The following PNCK variants were observed in gnomAD, a reference collection of about 807,000 sequenced individuals.
PNCK encodes pregnancy up-regulated nonubiquitous CaM kinase.
In PNCK, 21 loss-of-function variants were observed where a neutral mutation model predicts 28.3. The observed-to-expected ratio is 0.74, with a 90% CI of 0.53 to 1.07. The LOEUF is 1.07. PNCK is among the 50% of genes least tolerant of loss of function. PNCK has a pLI of 0.00. For synonymous variants in PNCK, 136 were observed against 125.2 expected (o/e 1.09, Z -0.58); for missense variants, 250 against 298.3 (o/e 0.84, Z 1.19).
upstream of PNCK, chrX:153,674,103 C>T (rs782576126): frequency 1.7e-6 from 2 of 1,210,751 alleles, no homozygotes; most frequent in Admixed American, 2.2e-5. Context: ...AGGCTCTCTG[C>T]CTTCCAGTCT....
Position 153,673,791 on chromosome X carries a change from G to C in PNCK, c.-14C>G. On this transcript the variant is annotated 5_prime_UTR_variant, in exon 1 of 12. Transcript: ENST00000340888. ...GAGCAGGTGCAGACCTGGAGCGGGT[G>C]CCGCAGCGTCGTGCCGCGCAGTGGC... is the stretch of plus-strand genomic sequence containing the variant. The C allele has an allele frequency of 1.3e-6, 1 of 749,997 alleles. No individual in the cohort carries two copies. The highest frequency in any genetic ancestry group is 1.5e-4 in the East Asian group (1 of 6,567). 61.8% of individuals were successfully genotyped at this position (749,997 alleles called of 1,213,427 possible).
upstream of PNCK, chrX:153,674,445 AC>A (rs200867488): frequency 0.022 from 6,200 of 279,333 alleles, 343 homozygotes; most frequent in African/African-American, 0.15. Flanking sequence ...TGGCCTCCTG[AC>A]GGCCCTAGCC....
intron 1 of PNCK, among the ~76,000 whole-genome samples, chrX:153,683,998 T>A (rs782044723): frequency 5.3e-5 from 6 of 112,655 alleles, no homozygotes; most frequent in Non-Finnish European, 1.1e-4. Context: ...TCATCATGAA[T>A]GCTTCCATGT....
In PNCK at chrX:153,672,991, A is replaced by ACG. The variant is rs782410147; in HGVS notation, c.68+16_68+17dup. The ACG allele has an allele frequency of 1.7e-6, 2 of 1,162,591 alleles. No individual in the cohort carries two copies. Among genetic ancestry groups the ACG allele is most frequent in the East Asian group, 3.1e-5 (1 of 31,782 alleles). ...CACACACACACACACACGATCACAC[A>ACG]CGCGCGCGCACACTCACGAGCCGAG... On this transcript the variant is annotated intron_variant, in intron 2 of 11. Coordinates refer to ENST00000340888, the MANE Select transcript of PNCK (RefSeq NM_001366977.1).
intron 1 of PNCK, among the ~76,000 whole-genome samples, chrX:153,683,740 G>A (rs782340592): frequency 9.0e-6 from 1 of 111,382 alleles, no homozygotes; most frequent in East Asian, 2.8e-4. Context: ...AGGGGGCTAG[G>A]GAATGGGTGC....
At chrX:153,685,460 C>T (rs1171365178) in intron 1 of PNCK, among the ~76,000 whole-genome samples, 1 of 111,818 alleles carries the variant, frequency 8.9e-6, no homozygotes, top group East Asian at 2.9e-4. Context: ...GAACTTCATG[C>T]ACTGCTCAAA....
At chrX:153,673,903 A>C, upstream of PNCK, 1 of 925,048 alleles carries the variant, frequency 1.1e-6, no homozygotes, top group Middle Eastern at 4.8e-4. Flanking sequence ...GCAGTGGCCC[A>C]GCGCGGCCGC....
At chrX:153,673,219 C>T in intron 1 of PNCK, 141 bp from the exon 2 acceptor site, 1 of 1,193,600 alleles carries the variant, frequency 8.4e-7, no homozygotes, top group Non-Finnish European at 1.1e-6. Context: ...TCCAGGTCCA[C>T]ACCCCCAGAC....
Position 153,670,471 on chromosome X carries a change from G to T in PNCK, c.1018C>A (p.Pro340Thr). 1 of 1,211,532 alleles carries T rather than the reference G, an allele frequency of 8.3e-7. No individual in the cohort carries two copies. The highest frequency in any genetic ancestry group is 1.1e-6 in the Non-Finnish European group (1 of 895,481). Residue 340 changes from proline (P) to threonine (T), a missense_variant, in exon 11 of 12, where the codon CCC (proline) becomes ACC (threonine). Transcript: ENST00000340888. Reference sequence around the variant, plus strand: ...ACACCTGGGCATCACCACTTGGGGGGCTGGCCAGCACGGAGGCCTGAGTGG... The same window carrying T: ...ACACCTGGGCATCACCACTTGGGGGTCTGGCCAGCACGGAGGCCTGAGTGG... ...HSHSGLRAGQPPKW is the reference protein window; with the variant it reads ...HSHSGLRAGQTPKW
At chrX:153,672,099 C>T (rs1234954092) in intron 4 of PNCK, 27 bp downstream of exon 4, 1 of 1,196,465 alleles carries the variant, frequency 8.4e-7, no homozygotes, top group Non-Finnish European at 1.1e-6. Flanking sequence ...CTCCCCGGCT[C>T]CCACAGCCTG....
chrX:153,672,788 T>C (rs782508101), intron 2 of PNCK, 91 bp from the exon 3 acceptor site: 87 of 1,041,485 alleles, frequency 8.4e-5, no homozygotes, highest in Non-Finnish European at 1.2e-5. Flanking sequence ...GGGCCCCCTG[T>C]GAAGGAGATG....
chrX:153,676,876 AAAAG>A (rs1202995825), upstream of PNCK, among the ~76,000 whole-genome samples: 138 of 110,627 alleles, frequency 1.2e-3, no homozygotes, highest in Non-Finnish European at 2.2e-3. Context: ...AAAAAAAAAA[AAAAG>A]AAAGAAAGAA....
At position 153,671,349 on chromosome X, in the gene PNCK, A is replaced by C; in HGVS notation, c.550T>G (p.Leu184Val). The C allele has an allele frequency of 8.3e-7, 1 of 1,212,072 alleles. No homozygotes were observed. The highest frequency in any genetic ancestry group is 1.8e-5 in the South Asian group (1 of 57,032). ...GCCTTCCCGTAGGGTTTCTGCTCCA[A>C]GAGCTCTGGGGCTGGGGGCCAGAGA... is the stretch of plus-strand genomic sequence containing the variant. The part of the protein sequence containing the change: ...GTPGYVAPEL[L>V]EQKPYGKAVD... Residue 184 changes from leucine (L) to valine (V), a missense_variant, in exon 7 of 12, where the codon TTG becomes GTG. By Grantham distance (32) the Leu-to-Val change is conservative. Transcript: ENST00000340888.
At chrX:153,684,427 C>T (rs1005106287) in intron 1 of PNCK, among the ~76,000 whole-genome samples, 23 of 112,192 alleles carry the variant, frequency 2.1e-4, no homozygotes, top group African/African-American at 7.1e-4. Context: ...GGGAAGGGCG[C>T]GGGTGGGGGG....
At chrX:153,675,640 G>A (rs1469606862), upstream of PNCK, among the ~76,000 whole-genome samples, 3 of 111,042 alleles carry the variant, frequency 2.7e-5, no homozygotes, top group African/African-American at 9.8e-5. Flanking sequence ...CAATTCTCCC[G>A]CCTCAGCCTC....
At chrX:153,679,150 G>A (rs1557042131), upstream of PNCK, among the ~76,000 whole-genome samples, 1 of 111,537 alleles carries the variant, frequency 9.0e-6, no homozygotes, top group Non-Finnish European at 1.9e-5. Flanking sequence ...TATGTGGGGT[G>A]GTTTTTGTGT....
chrX:153,685,260 T>TGAAGCC (rs1378347833), intron 1 of PNCK, among the ~76,000 whole-genome samples: 10 of 111,245 alleles, frequency 9.0e-5, no homozygotes, highest in African/African-American at 3.3e-4. Flanking sequence ...GAGAACGCTT[T>TGAAGCC]GAAGCCTTCG....
upstream of PNCK, among the ~76,000 whole-genome samples, chrX:153,677,322 C>T (rs1487601688): frequency 9.0e-6 from 1 of 110,639 alleles, no homozygotes. Flanking sequence ...TCTGTGAGCC[C>T]TTCCTTACTT....
intron 1 of PNCK, among the ~76,000 whole-genome samples, chrX:153,685,689 AG>A (rs1375000285): frequency 1.8e-5 from 2 of 112,863 alleles, no homozygotes; most frequent in East Asian, 5.6e-4. Flanking sequence ...GTAGTCTTGG[AG>A]AAAAATTTAG....
Sources: gnomAD v4.1 joint callset for allele counts (sites outside exome capture counted in the v4.1 genomes callset) on GRCh38, gnomAD v4.1.1 for gene constraint, MANE v1.5 for transcripts, NCBI Gene and HGNC (gene_info 2026-07-23, HGNC 2026-07-21) for gene names.